Variants in SPINT2 observed in about 807,000 individuals in gnomAD.
SPINT2 encodes serine peptidase inhibitor, Kunitz type 2, also known as kunitz-type protease inhibitor 2.
Under a neutral mutation model 30.1 loss-of-function variants are expected in SPINT2, and 18 were observed. That is an observed-to-expected ratio of 0.60 (90% CI 0.41 to 0.89). The LOEUF is 0.89. Among genes scored for constraint, SPINT2 ranks in the 40% least tolerant of loss-of-function variants. The pLI is 0.00. For synonymous variants in SPINT2, 139 were observed against 137.9 expected (o/e 1.01, Z -0.05); for missense variants, 276 against 334.3 (o/e 0.83, Z 1.36).
intron 1 of SPINT2, among the ~76,000 whole-genome samples, chr19:38,275,274 GTTTGT>G (rs376487481): frequency 3.9e-5 from 6 of 152,096 alleles, no homozygotes; most frequent in African/African-American, 7.2e-5. Flanking sequence ...CTTTCTGTTT[GTTTGT>G]TTTGTTTTGT....
chr19:38,280,678 C>T (rs1157081366), intron 1 of SPINT2, among the ~76,000 whole-genome samples: 3 of 152,166 alleles, frequency 2.0e-5, no homozygotes, highest in African/African-American at 7.2e-5. Context: ...GCCACGTGTA[C>T]CTGGCACCCT....
At chr19:38,267,463 TA>T (rs1968392887) in intron 1 of SPINT2, among the ~76,000 whole-genome samples, 2 of 151,992 alleles carry the variant, frequency 1.3e-5, no homozygotes, top group African/African-American at 4.8e-5. Context: ...ATTTATTCTG[TA>T]TGAAAACATG....
intron 1 of SPINT2, among the ~76,000 whole-genome samples, chr19:38,281,349 G>C (rs1968579418): frequency 6.6e-6 from 1 of 152,032 alleles, no homozygotes; most frequent in Non-Finnish European, 1.5e-5. Flanking sequence ...AGGAGGCAAG[G>C]CTTCAGTGAG....
At chr19:38,282,464 TG>T (rs1479199533) in intron 1 of SPINT2, among the ~76,000 whole-genome samples, 2 of 152,330 alleles carry the variant, frequency 1.3e-5, no homozygotes. Context: ...ACAGCCAGGC[TG>T]TTTTCTTTTC....
intron 1 of SPINT2, among the ~76,000 whole-genome samples, chr19:38,269,318 T>C (rs1191966444): frequency 6.6e-6 from 1 of 151,430 alleles, no homozygotes; most frequent in Admixed American, 6.6e-5. Context: ...GCCAGGATGG[T>C]TCAAGGTCCT....
chr19:38,278,440 G>C (rs1416206933), intron 1 of SPINT2, among the ~76,000 whole-genome samples: 1 of 152,204 alleles, frequency 6.6e-6, no homozygotes, highest in Non-Finnish European at 1.5e-5. Context: ...GTAAAGCGGA[G>C]ATATTATTAC....
At chr19:38,275,731 A>T (rs1968509432) in intron 1 of SPINT2, among the ~76,000 whole-genome samples, 1 of 136,824 alleles carries the variant, frequency 7.3e-6, no homozygotes. Flanking sequence ...CTTGACAAAA[A>T]AATTTTTTTT....
intron 1 of SPINT2, among the ~76,000 whole-genome samples, chr19:38,272,844 T>G (rs1226527369): frequency 1.3e-5 from 2 of 152,060 alleles, no homozygotes; most frequent in African/African-American, 4.8e-5. Context: ...CTCAGCCTCC[T>G]GAGTAACTGG....
chr19:38,264,683 G>T lies in SPINT2; in HGVS notation c.-210G>T. Reference sequence around the variant, plus strand: ...AGGGCGCGAGTGAGGAGCAGACCCAGGCATCGCGCGCCGAGAAGGCCGGGC... The same window carrying T: ...AGGGCGCGAGTGAGGAGCAGACCCATGCATCGCGCGCCGAGAAGGCCGGGC... On this transcript the variant is annotated 5_prime_UTR_variant, in exon 1 of 7. It adds an upstream start codon to the 5' untranslated region. Coordinates refer to ENST00000301244, the MANE Select transcript of SPINT2 (RefSeq NM_021102.4). The T allele has an allele frequency of 1.7e-6, 1 of 579,328 alleles. No homozygotes were observed. The allele number at this position is 579,328 out of a possible 1,614,324, so 35.9% of individuals were successfully genotyped here.
chr19:38,288,833 G>T, intron 3 of SPINT2: 1 of 363,460 alleles, frequency 2.8e-6, no homozygotes, highest in Non-Finnish European at 5.2e-6. Flanking sequence ...AGAGGAACAT[G>T]TCCCCCTCAC....
At chr19:38,276,608 C>T (rs1394422234) in intron 1 of SPINT2, among the ~76,000 whole-genome samples, 3 of 151,700 alleles carry the variant, frequency 2.0e-5, no homozygotes, top group African/African-American at 7.3e-5. Flanking sequence ...CACCACTGCA[C>T]TCCAGCCTGG....
In SPINT2 at chr19:38,264,834, C is replaced by T. The variant is rs1671202773; in HGVS notation, c.-59C>T. 5 of 1,505,970 alleles carry T rather than the reference C, an allele frequency of 3.3e-6. No homozygotes were observed. Among genetic ancestry groups the T allele is most frequent in the Admixed American group, 2.0e-5 (1 of 50,702 alleles). The allele number at this position is 1,505,970 out of a possible 1,614,324, so 93.3% of individuals were successfully genotyped here. A position where few individuals can be genotyped will look rare whatever the true frequency, so the allele number is the denominator to read the frequency against. On this transcript the variant is annotated 5_prime_UTR_variant, in exon 1 of 7. Transcript: ENST00000301244. ...CGTGCGCGTTGAGGGGCTTCCCGCA[C>T]CTGATCGCGAGACCCCAACGGCTGG...
At chr19:38,266,035 C>G (rs1057451624) in intron 1 of SPINT2, among the ~76,000 whole-genome samples, 6 of 152,170 alleles carry the variant, frequency 3.9e-5, no homozygotes, top group African/African-American at 1.4e-4. Context: ...GGGACGTCTC[C>G]GTGAGGAGGG....
At chr19:38,285,575 G>C (rs1968631164) in intron 2 of SPINT2, among the ~76,000 whole-genome samples, 1 of 152,170 alleles carries the variant, frequency 6.6e-6, no homozygotes, top group Non-Finnish European at 1.5e-5. Context: ...AAACGCTTGA[G>C]CTCAAGCAAT....
chr19:38,291,991 C>G lies in SPINT2; in HGVS notation c.744C>G (p.Asn248Lys). The change falls in exon 7 of 7, where the codon AAC (asparagine) becomes AAG (lysine). Residue 248 changes from asparagine (N) to lysine (K), a missense_variant. Transcript: ENST00000301244. ...ATGACAAGGAGCAGCTGGTGAAGAA[C>G]ACATATGTCCTGTGACCGCCCTGTC... ...SGDDKEQLVK[N>K]TYVL The G allele has an allele frequency of 6.2e-7, 1 of 1,614,086 alleles. No homozygotes were observed. The highest frequency in any genetic ancestry group is 1.3e-5 in the African/African-American group (1 of 75,044).
chr19:38,274,177 G>C (rs1485470575), intron 1 of SPINT2, among the ~76,000 whole-genome samples: 1 of 151,612 alleles, frequency 6.6e-6, no homozygotes, highest in Non-Finnish European at 1.5e-5. Context: ...TGTGAGCCAA[G>C]ATTGTACCAC....
intron 2 of SPINT2, 28 bp from the exon 3 acceptor site, chr19:38,287,848 A>G (rs1409332160): frequency 6.2e-7 from 1 of 1,613,936 alleles, no homozygotes; most frequent in African/African-American, 1.3e-5. Flanking sequence ...AAGCTCTTTC[A>G]CTGTGCTGTT....
At chr19:38,284,636 T>C (rs771209735) in intron 2 of SPINT2, among the ~76,000 whole-genome samples, 1 of 152,224 alleles carries the variant, frequency 6.6e-6, no homozygotes, top group Admixed American at 6.5e-5. Flanking sequence ...TCTCCCACTT[T>C]ACTAAGTGCA....
intron 1 of SPINT2, among the ~76,000 whole-genome samples, chr19:38,271,991 AGC>A (rs1334313854): frequency 1.2e-4 from 18 of 152,264 alleles, no homozygotes; most frequent in African/African-American, 4.3e-4. Context: ...TTGTAATCCC[AGC>A]ACTTTGGGGG....
Sources: gnomAD v4.1 joint callset for allele counts (sites outside exome capture counted in the v4.1 genomes callset) on GRCh38, gnomAD v4.1.1 for gene constraint, MANE v1.5 for transcripts, NCBI Gene and HGNC (gene_info 2026-07-23, HGNC 2026-07-21) for gene names.